Variants in LDB2 observed in about 807,000 individuals in gnomAD.
LDB2 encodes LIM domain binding 2.
Under a neutral mutation model 44.3 loss-of-function variants are expected in LDB2, and 12 were observed. The ratio of observed to expected loss-of-function variants is 0.27; its 90% confidence interval spans 0.17 to 0.44. LDB2 has a LOEUF of 0.44. LDB2 is among the 20% of genes least tolerant of loss of function. LDB2 has a pLI of 1.00. For synonymous variants in LDB2, 164 were observed against 174.8 expected (o/e 0.94, Z 0.49); for missense variants, 344 against 473.5 (o/e 0.73, Z 2.54).
At chr4:16,715,326 T>A (rs1367015462) in intron 2 of LDB2, among the ~76,000 whole-genome samples, 7 of 152,214 alleles carry the variant, frequency 4.6e-5, no homozygotes, top group Non-Finnish European at 8.8e-5. Context: ...ATTTCAATCA[T>A]TAATTCATTA....
intron 2 of LDB2, among the ~76,000 whole-genome samples, chr4:16,631,947 GCCTATCAAC>G (rs780386944): frequency 9.9e-5 from 15 of 152,126 alleles, no homozygotes; most frequent in Non-Finnish European, 1.5e-4. Flanking sequence ...ATAATTAATA[GCCTATCAAC>G]CATGCAAAGT....
intron 1 of LDB2, among the ~76,000 whole-genome samples, chr4:16,847,859 A>G (rs987879677): frequency 6.6e-6 from 1 of 152,094 alleles, no homozygotes; most frequent in African/African-American, 2.4e-5. Context: ...CTCGTGATCC[A>G]CCCGCCTTGG....
At chr4:16,524,114 G>C (rs1320814993) in intron 5 of LDB2, among the ~76,000 whole-genome samples, 1 of 152,186 alleles carries the variant, frequency 6.6e-6, no homozygotes, top group Non-Finnish European at 1.5e-5. Context: ...AAATGGACCA[G>C]ATCTTGCTTT....
intron 5 of LDB2, among the ~76,000 whole-genome samples, chr4:16,569,301 A>G (rs1745582622): frequency 1.3e-5 from 2 of 152,226 alleles, no homozygotes; most frequent in African/African-American, 4.8e-5. Flanking sequence ...ATAATGATCC[A>G]TGGCATGATT....
chr4:16,694,526 A>C (rs1391744933), intron 2 of LDB2, among the ~76,000 whole-genome samples: 1 of 152,218 alleles, frequency 6.6e-6, no homozygotes. Context: ...TAGGCATCTG[A>C]ATTCTCCCTG....
chr4:16,588,613 G>T, intron 4 of LDB2, 97 bp downstream of exon 4: 1 of 1,280,988 alleles, frequency 7.8e-7, no homozygotes, highest in Non-Finnish European at 1.1e-6. Context: ...ACAACTACTG[G>T]AATTCTTTCA....
chr4:16,873,888 T>C (rs1421569473), intron 1 of LDB2, among the ~76,000 whole-genome samples: 1 of 152,230 alleles, frequency 6.6e-6, no homozygotes, highest in East Asian at 1.9e-4. Context: ...GGAATTACTG[T>C]TTCCATCCAC....
chr4:16,758,717 TAAATACCTG>T (rs1767224593), intron 2 of LDB2, among the ~76,000 whole-genome samples: 1 of 152,194 alleles, frequency 6.6e-6, no homozygotes, highest in African/African-American at 2.4e-5. Context: ...ACTTGTCAAA[TAAATACCTG>T]AGATAATTGA....
At chr4:16,565,788 T>A (rs1744294323) in intron 5 of LDB2, among the ~76,000 whole-genome samples, 1 of 151,914 alleles carries the variant, frequency 6.6e-6, no homozygotes, top group Admixed American at 6.6e-5. Flanking sequence ...TTTAAAGGTG[T>A]CTGGGAATAA....
At chr4:16,522,784 T>C (rs1016202275) in intron 5 of LDB2, among the ~76,000 whole-genome samples, 4 of 152,198 alleles carry the variant, frequency 2.6e-5, no homozygotes, top group African/African-American at 9.7e-5. Context: ...GCCTCAAATA[T>C]CCCATCTGTG....
At chr4:16,510,674 G>A (rs544403450) in intron 6 of LDB2, among the ~76,000 whole-genome samples, 1 of 152,288 alleles carries the variant, frequency 6.6e-6, no homozygotes, top group Admixed American at 6.5e-5. Context: ...TGTTAGCCAT[G>A]AGACTGGCTG....
At chr4:16,529,423 A>G (rs1018644011) in intron 5 of LDB2, among the ~76,000 whole-genome samples, 3 of 152,194 alleles carry the variant, frequency 2.0e-5, no homozygotes, top group Non-Finnish European at 4.4e-5. Flanking sequence ...TTGCAGGTGC[A>G]GCAGGGCCCA....
intron 2 of LDB2, among the ~76,000 whole-genome samples, chr4:16,656,368 T>C (rs1166343463): frequency 1.3e-5 from 2 of 152,194 alleles, no homozygotes; most frequent in Non-Finnish European, 2.9e-5. Context: ...TTAGGAGTCC[T>C]GTAGCGCAGC....
At chr4:16,691,925 TC>T (rs1378495413) in intron 2 of LDB2, among the ~76,000 whole-genome samples, 1 of 152,204 alleles carries the variant, frequency 6.6e-6, no homozygotes, top group Non-Finnish European at 1.5e-5. Flanking sequence ...TTTATTTACA[TC>T]TTTTCTCTGC....
chr4:16,737,339 C>T (rs1762095608), intron 2 of LDB2, among the ~76,000 whole-genome samples: 1 of 152,162 alleles, frequency 6.6e-6, no homozygotes, highest in South Asian at 2.1e-4. Context: ...AGCAATCCTC[C>T]CACCTCAGCT....
intron 5 of LDB2, among the ~76,000 whole-genome samples, chr4:16,515,466 T>C (rs545591352): frequency 6.6e-6 from 1 of 152,322 alleles, no homozygotes; most frequent in East Asian, 1.9e-4. Flanking sequence ...CAAATCAAAG[T>C]GTAAGTTACA....
At chr4:16,584,950 G>A (rs926635073) in intron 5 of LDB2, among the ~76,000 whole-genome samples, 2 of 152,212 alleles carry the variant, frequency 1.3e-5, no homozygotes, top group Non-Finnish European at 2.9e-5. Flanking sequence ...AGCTTCCTAT[G>A]TGGGGTCAGC....
At chr4:16,672,639 C>CA (rs1745100890) in intron 2 of LDB2, among the ~76,000 whole-genome samples, 2 of 152,144 alleles carry the variant, frequency 1.3e-5, no homozygotes, top group African/African-American at 4.8e-5. Context: ...ATATTATGGG[C>CA]AAAAAAGAGC....
At chr4:16,800,145 G>A (rs551701216) in intron 1 of LDB2, among the ~76,000 whole-genome samples, 3 of 54,134 alleles carry the variant, frequency 5.5e-5, no homozygotes, top group Admixed American at 1.5e-4. Context: ...TTACCTTACT[G>A]TCAGGAAAAA....
Sources: allele counts gnomAD v4.1 joint callset (sites outside exome capture counted in the v4.1 genomes callset), GRCh38; gene constraint gnomAD v4.1.1; transcripts MANE v1.5; gene names NCBI Gene and HGNC (gene_info 2026-07-23, HGNC 2026-07-21).